Variants in KIRREL1 observed in about 807,000 individuals in gnomAD.
KIRREL1 encodes the protein kirre like nephrin family adhesion molecule 1, also known as kin of IRRE-like protein 1.
A neutral mutation model predicts 83.3 loss-of-function variants in KIRREL1; 25 were observed. The ratio of observed to expected loss-of-function variants is 0.30; its 90% CI spans 0.22 to 0.42. KIRREL1 has a LOEUF of 0.42. Ranked by LOEUF, KIRREL1 falls within the 10% of genes least tolerant of loss-of-function variation. KIRREL1 has a pLI of 1.00. For synonymous variants in KIRREL1, 388 were observed against 410.4 expected, an observed-to-expected ratio of 0.95 and a Z score of 0.66; for missense variants, 812 against 1,032.3, an observed-to-expected ratio of 0.79 and a Z score of 2.92.
intron 5 of KIRREL1, 146 bp downstream of exon 5, chr1:158,086,892 C>T: frequency 1.3e-6 from 1 of 768,324 alleles, no homozygotes. Context: ...ATCTTTCATT[C>T]CCTGGATTGA....
Position 158,088,404 on chromosome 1 carries a change from G to A in KIRREL1, c.994G>A (p.Val332Ile), listed in dbSNP as rs1662083447. 6.2e-7 allele frequency: 1 copy of A among 1,613,302 alleles called. No individual in the cohort carries two copies. Among genetic ancestry groups the A allele is most frequent in the African/African-American group, 1.3e-5 (1 of 74,758 alleles). ...GSDVTLTCVW[V>I]GNPPLTLTWT... Reference sequence around the variant, plus strand: ...TGATGTGACCCTTACCTGTGTCTGGGTTGGGAATCCCCCCCTCACTCTCAC... The same window carrying A: ...TGATGTGACCCTTACCTGTGTCTGGATTGGGAATCCCCCCCTCACTCTCAC... The change falls in exon 8 of 15, where the codon GTT (valine) becomes ATT (isoleucine). Residue 332 changes from valine to isoleucine, a missense_variant. By Grantham distance (29) the Val-to-Ile change is conservative. Transcript: ENST00000359209.
intron 1 of KIRREL1, among the ~76,000 whole-genome samples, chr1:158,024,783 G>C (rs765852083): frequency 2.0e-5 from 3 of 152,132 alleles, no homozygotes; most frequent in African/African-American, 2.4e-5. Context: ...AGTTCCCCAG[G>C]GTCCACCCTG....
intron 1 of KIRREL1, among the ~76,000 whole-genome samples, chr1:158,017,995 A>G (rs1659882007): frequency 6.6e-6 from 1 of 152,152 alleles, no homozygotes; most frequent in South Asian, 2.1e-4. Flanking sequence ...GGAGGAGGGA[A>G]CTGGCAACCG....
rs76333631 is a variant in KIRREL1 at position 158,088,996 on chromosome 1, G to T, written c.1045-506G>T. ...CACCTGTGCACGGGAAGCAGGGTGG[G>T]GTGGGAGGAAGGGAGAGGGCCTGGG... On this transcript the variant is annotated intron_variant, in intron 8 of 14. Transcript: ENST00000359209. 2.0e-5 allele frequency among the ~76,000 whole-genome samples: 3 copies of T among 152,068 alleles called. No individual in the cohort carries two copies. The East Asian group carries it at 5.8e-4, about 29-fold the overall frequency.
chr1:158,030,133 G>A (rs1161062545), intron 1 of KIRREL1, among the ~76,000 whole-genome samples: 1 of 152,172 alleles, frequency 6.6e-6, no homozygotes, highest in Non-Finnish European at 1.5e-5. Flanking sequence ...TTACCCACAT[G>A]AAAGTGGTGG....
Position 158,086,617 on chromosome 1 carries a change from A to C in KIRREL1, c.532A>C (p.Arg178=). Residue 178 remains arginine (R), a synonymous_variant, in exon 5 of 15, where the codon AGG becomes CGG. Coordinates refer to ENST00000359209, the MANE Select transcript of KIRREL1 (RefSeq NM_018240.7). ...ASTELLKDGK[R]ETTVSQLLIN... ...CCAGGAATTGCTGAAGGATGGGAAG[A>C]GGGAGACCACCGTGAGCCAACTGCT... 6.4e-7 allele frequency: 1 copy of C among 1,552,054 alleles called. No homozygotes were observed. The highest frequency in any genetic ancestry group is 8.7e-7 in the Non-Finnish European group (1 of 1,147,078).
chr1:158,020,299 C>G (rs540360963), intron 1 of KIRREL1, among the ~76,000 whole-genome samples: 32 of 152,132 alleles, frequency 2.1e-4, no homozygotes, highest in Non-Finnish European at 1.5e-5. Flanking sequence ...CCCCACTTCC[C>G]ATCCTTTACT....
chr1:158,007,899 A>G (rs1396966974), intron 1 of KIRREL1, among the ~76,000 whole-genome samples: 1 of 151,900 alleles, frequency 6.6e-6, no homozygotes, highest in Non-Finnish European at 1.5e-5. Context: ...ACTCTGCAGG[A>G]GTGAAGTGCG....
intron 3 of KIRREL1, among the ~76,000 whole-genome samples, chr1:158,078,975 C>T (rs1485957231): frequency 6.6e-6 from 1 of 152,046 alleles, no homozygotes; most frequent in Admixed American, 6.6e-5. Context: ...CCCACTCAGC[C>T]CCCAGCCTCT....
chr1:158,063,261 G>C (rs1355669282), intron 1 of KIRREL1, among the ~76,000 whole-genome samples: 1 of 152,180 alleles, frequency 6.6e-6, no homozygotes, highest in African/African-American at 2.4e-5. Flanking sequence ...TCAGCCCAAG[G>C]GAAGACCAGT....
At chr1:158,006,254 G>A (rs1193462763) in intron 1 of KIRREL1, among the ~76,000 whole-genome samples, 1 of 152,144 alleles carries the variant, frequency 6.6e-6, no homozygotes, top group East Asian at 1.9e-4. Context: ...GAAGAGAAAG[G>A]AATTCATTAG....
chr1:158,018,604 G>A (rs143832492), intron 1 of KIRREL1, among the ~76,000 whole-genome samples: 65 of 152,244 alleles, frequency 4.3e-4, no homozygotes, highest in African/African-American at 1.6e-3. Flanking sequence ...AAGGGCGAAA[G>A]CAAAAAGTAG....
intron 1 of KIRREL1, among the ~76,000 whole-genome samples, chr1:158,011,253 G>A (rs1659680229): frequency 2.0e-5 from 3 of 152,216 alleles, no homozygotes; most frequent in Admixed American, 2.0e-4. Context: ...CAACCGGATT[G>A]CAAGTTCCCC....
At chr1:157,993,805 C>T in intron 1 of KIRREL1, 77 bp downstream of exon 1, 1 of 978,950 alleles carries the variant, frequency 1.0e-6, no homozygotes, top group Non-Finnish European at 1.4e-6. Flanking sequence ...TGGGAGAGTG[C>T]TGGAGTGCCC....
chr1:158,053,812 T>C (rs1395702836), intron 1 of KIRREL1, among the ~76,000 whole-genome samples: 1 of 152,210 alleles, frequency 6.6e-6, no homozygotes. Flanking sequence ...AGGTCCCCAA[T>C]GCTTGTTTGC....
intron 1 of KIRREL1, among the ~76,000 whole-genome samples, chr1:158,046,521 T>C (rs765528909): frequency 5.3e-5 from 8 of 151,902 alleles, no homozygotes; most frequent in Non-Finnish European, 1.0e-4. Context: ...AGAGATGATG[T>C]TTAAAGCTGT....
intron 1 of KIRREL1, among the ~76,000 whole-genome samples, chr1:158,050,053 A>G (rs778106176): frequency 1.3e-5 from 2 of 152,148 alleles, no homozygotes; most frequent in Non-Finnish European, 2.9e-5. Flanking sequence ...TCAGGTTTAA[A>G]GTAAAAAATC....
At chr1:158,089,476 C>T (rs1169724924) in intron 8 of KIRREL1, 26 bp from the exon 9 acceptor site, 11 of 1,613,270 alleles carry the variant, frequency 6.8e-6, no homozygotes, top group Middle Eastern at 3.4e-4. Flanking sequence ...CCTGGCTCCC[C>T]ACCCGAGGCT....
intron 1 of KIRREL1, among the ~76,000 whole-genome samples, chr1:158,064,186 A>G (rs894987436): frequency 6.6e-6 from 1 of 152,192 alleles, no homozygotes; most frequent in Non-Finnish European, 1.5e-5. Context: ...TCGTCTGGAA[A>G]AGGAGCCAAA....
Sources: gnomAD v4.1 joint callset for allele counts (sites outside exome capture counted in the v4.1 genomes callset) on GRCh38, gnomAD v4.1.1 for gene constraint, MANE v1.5 for transcripts, NCBI Gene and HGNC (gene_info 2026-07-23, HGNC 2026-07-21) for gene names.